Variants in MAVS observed in about 807,000 individuals in gnomAD.
The protein encoded by MAVS is mitochondrial antiviral signaling protein.
A neutral mutation model predicts 30.2 loss-of-function variants in MAVS; 20 were observed. The ratio of observed to expected loss-of-function variants is 0.66; its 90% confidence interval spans 0.47 to 0.96. The LOEUF (loss-of-function observed/expected upper bound fraction) is 0.96, where lower values mean the gene tolerates loss of function less well. MAVS is among the 40% of genes least tolerant of loss of function. The pLI is 0.00. For missense variants in MAVS, 624 were observed against 701.1 expected (o/e 0.89, Z 1.24); for synonymous variants, 278 against 293.9 (o/e 0.95, Z 0.55).
rs112658509 is a variant in MAVS, at chr20:3,866,015, C to T, written c.1491C>T (p.Ala497=). 7.9e-3 allele frequency: 12,787 copies of T among 1,612,878 alleles called. 85 individuals carry two copies. Among genetic ancestry groups the T allele is most frequent in the African/African-American group, 0.021 (1,573 of 75,052 alleles). Residue 497 remains alanine, a synonymous_variant, in exon 7 of 7, where the codon GCC becomes GCT. Coordinates refer to ENST00000428216, the MANE Select transcript of MAVS (RefSeq NM_020746.5). Reference sequence around the variant, plus strand: ...CGGATGGCGGCCCCAGGCCACAAGCCGACCGGAAGTTCCAGGAGAGGGAGG... The same window carrying T: ...CGGATGGCGGCCCCAGGCCACAAGCTGACCGGAAGTTCCAGGAGAGGGAGG... ...ADPDGGPRPQ[A]DRKFQEREVP... is the part of the protein sequence containing the mutation.
Position 3,874,139 on chromosome 20 carries a change from C to T in MAVS, c.*7992C>T, listed in dbSNP as rs549113295. Reference sequence around the variant, plus strand: ...CAGCAACATGGATAAATTTCACAGACATGAGGTCAAGCAAAAGAGGTCAGA... The same window carrying T: ...CAGCAACATGGATAAATTTCACAGATATGAGGTCAAGCAAAAGAGGTCAGA... On this transcript the variant is annotated 3_prime_UTR_variant, in exon 7 of 7. Transcript: ENST00000428216. 3.1e-4 allele frequency: 122 copies of T among 398,590 alleles called. 1 individual carries two copies. The East Asian group carries it at 4.2e-3, about 14-fold the overall frequency. 24.7% of individuals were successfully genotyped at this position (398,590 alleles called of 1,614,324 possible).
rs2089972898 is a variant in MAVS at position 3,873,910 on chromosome 20, G to A, written c.*7763G>A. ...AAACTGATCCAGCAGTTCCACTCCT[G>A]GGTATGTACACCACAGAAAGCTATG... On this transcript the variant is annotated 3_prime_UTR_variant, in exon 7 of 7. Transcript: ENST00000428216. 5.1e-6 allele frequency: 2 copies of A among 393,074 alleles called. No homozygotes were observed. Among genetic ancestry groups the A allele is most frequent in the African/African-American group, 4.1e-5 (2 of 48,316 alleles). The allele number at this position is 393,074 out of a possible 1,614,324, so 24.3% of individuals were successfully genotyped here.
rs1198653541 is a variant in MAVS at position 3,874,236 on chromosome 20, A to G, written c.*8089A>G. On this transcript the variant is annotated 3_prime_UTR_variant, in exon 7 of 7. Transcript: ENST00000428216. ...AAAAGTACAGAAATAAGCAAAACTG[A>G]TCCATGGTGTTAGAAGCCAGGGGAA... 1 of 398,512 alleles carries G rather than the reference A, an allele frequency of 2.5e-6. No homozygotes were observed. Among genetic ancestry groups the G allele is most frequent in the African/African-American group, 2.1e-5 (1 of 48,628 alleles). The allele number at this position is 398,512 out of a possible 1,614,324, so 24.7% of individuals were successfully genotyped here.
chr20:3,865,679 C>T lies in MAVS; in HGVS notation c.1159-4C>T, dbSNP rs2089900583. ...CCCTTCCAGTGCTCTCCTTTCTTTCCCAGGAGACCCCAGCAGCTCCAACAC... is the reference window on the plus strand; with the variant it reads ...CCCTTCCAGTGCTCTCCTTTCTTTCTCAGGAGACCCCAGCAGCTCCAACAC... On this transcript the variant is annotated splice_region_variant and splice_polypyrimidine_tract_variant and intron_variant, in intron 6 of 6. Transcript: ENST00000428216. This position sits in a 1 kb window ranked among gnomAD's most constrained non-coding sequence, Gnocchi z 4.7. The T allele has an allele frequency of 1.9e-6, 3 of 1,595,934 alleles. No homozygotes were observed. In the Admixed American group the frequency reaches 5.1e-5, roughly 27 times the overall value.
rs753238097 is a variant in MAVS, at chr20:3,866,267, G to A, written c.*120G>A. On this transcript the variant is annotated 3_prime_UTR_variant, in exon 7 of 7. Transcript: ENST00000428216. ...GGAGGCTGGGTCAGAGGGGAGTTAA[G>A]GGACTGCAGGCCTGGCAGCAGGACA... The A allele has an allele frequency of 2.0e-4, 193 of 957,070 alleles. No homozygotes were observed. The Middle Eastern group carries it at 4.7e-3, about 24-fold the overall frequency. The allele number at this position is 957,070 out of a possible 1,614,324, so 59.3% of individuals were successfully genotyped here.
At chr20:3,848,124 G>A (rs576099235) in intron 1 of MAVS, among the ~76,000 whole-genome samples, 1 of 151,646 alleles carries the variant, frequency 6.6e-6, no homozygotes, top group South Asian at 2.1e-4. Context: ...TTTTGAAATG[G>A]AGTCTCACTC....
rs1431911601 is a variant in MAVS at position 3,871,882 on chromosome 20, A to C, written c.*5735A>C. 1 of 152,282 alleles carries C rather than the reference A, an allele frequency of 6.6e-6. No individual in the cohort carries two copies. The highest frequency in any genetic ancestry group is 1.5e-5 in the Non-Finnish European group (1 of 68,044). 9.4% of individuals were successfully genotyped at this position (152,282 alleles called of 1,614,324 possible). On this transcript the variant is annotated 3_prime_UTR_variant, in exon 7 of 7. Transcript: ENST00000428216. ...GCTAACAGCAACAGCAATAATAATA[A>C]GGGTTACAACTTACTCCATACCTTA...
At chr20:3,851,284 C>T (rs182298933) in intron 1 of MAVS, among the ~76,000 whole-genome samples, 13 of 151,960 alleles carry the variant, frequency 8.6e-5, no homozygotes, top group Middle Eastern at 3.4e-3. Flanking sequence ...ACCGAGATTA[C>T]GCCACTGCAC....
chr20:3,853,435 G>C (rs1369720365), intron 1 of MAVS, among the ~76,000 whole-genome samples: 2 of 150,094 alleles, frequency 1.3e-5, no homozygotes, highest in African/African-American at 2.4e-5. Context: ...GCAGTGAGCC[G>C]AGATCGCGCC....
intron 2 of MAVS, among the ~76,000 whole-genome samples, 168 bp from the exon 3 acceptor site, chr20:3,857,467 C>T (rs182395836): frequency 2.0e-5 from 3 of 152,376 alleles, no homozygotes; most frequent in African/African-American, 7.2e-5. Context: ...GCTAATTGCT[C>T]TTCCTCACTC....
In MAVS at chr20:3,866,225, C is replaced by T. The variant is rs1019200821; in HGVS notation, c.*78C>T. 52 of 1,349,132 alleles carry T rather than the reference C, an allele frequency of 3.9e-5. 1 individual carries two copies. The highest frequency in any genetic ancestry group is 2.9e-4 in the Admixed American group (11 of 38,008). 83.6% of individuals were successfully genotyped at this position (1,349,132 alleles called of 1,614,324 possible). A position where few individuals can be genotyped will look rare whatever the true frequency, so the allele number is the denominator to read the frequency against. On this transcript the variant is annotated 3_prime_UTR_variant, in exon 7 of 7. Transcript: ENST00000428216. ...TGGCCCCTCTCCGAAGCCCCTTGTC[C>T]CTTTCTTGGGGATTGTGGAGGCTGG...
At position 3,866,009 on chromosome 20, in the gene MAVS, A is replaced by T; in HGVS notation, c.1485A>T (p.Pro495=). Residue 495 remains proline (P), a synonymous_variant, in exon 7 of 7, where the codon CCA becomes CCT. Coordinates refer to ENST00000428216, the MANE Select transcript of MAVS (RefSeq NM_020746.5). ...PPADPDGGPR[P]QADRKFQERE... Reference sequence around the variant, plus strand: ...CGGACCCGGATGGCGGCCCCAGGCCACAAGCCGACCGGAAGTTCCAGGAGA... The same window carrying T: ...CGGACCCGGATGGCGGCCCCAGGCCTCAAGCCGACCGGAAGTTCCAGGAGA... The T allele has an allele frequency of 6.2e-7, 1 of 1,612,902 alleles. No individual in the cohort carries two copies. The highest frequency in any genetic ancestry group is 8.5e-7 in the Non-Finnish European group (1 of 1,179,986).
chr20:3,859,828 T>C (rs563850047), intron 3 of MAVS, among the ~76,000 whole-genome samples: 1 of 152,094 alleles, frequency 6.6e-6, no homozygotes, highest in East Asian at 1.9e-4. Flanking sequence ...TCACTCCTTT[T>C]TTTTTTGAAA....
At position 3,874,438 on chromosome 20, in the gene MAVS, C is replaced by T. The variant is rs1403448518; in HGVS notation, c.*8291C>T. 2.6e-6 allele frequency: 1 copy of T among 388,310 alleles called. No individual in the cohort carries two copies. The highest frequency in any genetic ancestry group is 4.5e-6 in the Non-Finnish European group (1 of 219,852). 24.1% of individuals were successfully genotyped at this position (388,310 alleles called of 1,614,324 possible). On this transcript the variant is annotated 3_prime_UTR_variant, in exon 7 of 7. Coordinates refer to ENST00000428216, the MANE Select transcript of MAVS (RefSeq NM_020746.5). ...ATTTGGTCAAAGTTTGCAAAGGAGT[C>T]AGCCATGATTGCTTGTATTTGGCAG...
At chr20:3,847,737 G>A (rs1248526295) in intron 1 of MAVS, among the ~76,000 whole-genome samples, 1 of 152,132 alleles carries the variant, frequency 6.6e-6, no homozygotes, top group Non-Finnish European at 1.5e-5. Context: ...GTCCTCTTTG[G>A]GCTTGAAGGC....
chr20:3,854,719 C>T lies in MAVS; in HGVS notation c.95C>T (p.Pro32Leu), dbSNP rs1051254153. Reference protein sequence around the residue: ...VDVVEILPYLPCLTARDQDRL... With the variant: ...VDVVEILPYLLCLTARDQDRL... The stretch of plus-strand genomic sequence containing the variant: ...GTTGTAGAGATTCTGCCTTACCTGC[C>T]CTGCCTCACAGCAAGAGACCAGGTG... The change falls in exon 2 of 7, where the codon CCC (proline) becomes CTC (leucine). Residue 32 changes from proline (P) to leucine (L), a missense_variant. By Grantham distance (98) the Pro-to-Leu change is moderately conservative. Transcript: ENST00000428216. The T allele has an allele frequency of 6.2e-7, 1 of 1,613,496 alleles. No homozygotes were observed.
intron 3 of MAVS, among the ~76,000 whole-genome samples, chr20:3,861,078 C>T (rs1271161926): frequency 1.3e-5 from 2 of 151,652 alleles, no homozygotes; most frequent in South Asian, 2.1e-4. Context: ...CTGCAAGCTC[C>T]GCCTCCCGGG....
At chr20:3,859,243 C>T (rs1156317319) in intron 3 of MAVS, among the ~76,000 whole-genome samples, 2 of 151,726 alleles carry the variant, frequency 1.3e-5, no homozygotes, top group Non-Finnish European at 2.9e-5. Flanking sequence ...CACGGTGGCT[C>T]ACGCCTGTAA....
intron 3 of MAVS, 55 bp from the exon 4 acceptor site, chr20:3,861,277 G>A: frequency 6.5e-7 from 1 of 1,529,424 alleles, no homozygotes; most frequent in Non-Finnish European, 8.9e-7. Flanking sequence ...ACAGGCATGA[G>A]CCACTGTGCC....
Sources: allele counts gnomAD v4.1 joint callset (sites outside exome capture counted in the v4.1 genomes callset), GRCh38; gene constraint gnomAD v4.1.1; non-coding constraint Gnocchi (gnomAD v3.1); transcripts MANE v1.5; gene names NCBI Gene and HGNC (gene_info 2026-07-23, HGNC 2026-07-21).